Variants in DLG2 observed in about 807,000 individuals in gnomAD.
DLG2 encodes the protein discs large MAGUK scaffold protein 2, also known as disks large homolog 2.
In DLG2, 45 loss-of-function variants were observed where a neutral mutation model predicts 132.5. That is an observed-to-expected ratio of 0.34 (90% CI 0.27 to 0.44). DLG2 has a LOEUF of 0.44. Ranked by LOEUF, DLG2 falls within the 20% of genes least tolerant of loss-of-function variation. DLG2 has a pLI of 1.00. For synonymous variants in DLG2, 424 were observed against 419.6 expected (o/e 1.01, Z -0.13); for missense variants, 1,045 against 1,196.9 (o/e 0.87, Z 1.87).
chr11:84,453,324 T>G (rs1224160499), intron 7 of DLG2, among the ~76,000 whole-genome samples: 2 of 151,692 alleles, frequency 1.3e-5, no homozygotes, highest in East Asian at 3.9e-4. Context: ...CTTACTGAAC[T>G]GTAAATCCTA....
At chr11:84,071,451 G>A (rs2096755622) in intron 10 of DLG2, among the ~76,000 whole-genome samples, 1 of 151,962 alleles carries the variant, frequency 6.6e-6, no homozygotes, top group Non-Finnish European at 1.5e-5. Flanking sequence ...TGTGGCCCAG[G>A]TTGAAGTTCA....
At chr11:85,139,490 A>G (rs2076325934) in intron 5 of DLG2, among the ~76,000 whole-genome samples, 1 of 152,066 alleles carries the variant, frequency 6.6e-6, no homozygotes, top group Non-Finnish European at 1.5e-5. Context: ...TTCAAAATTA[A>G]TTTATTTTGA....
intron 18 of DLG2, among the ~76,000 whole-genome samples, chr11:83,686,552 A>G (rs1235690956): frequency 6.6e-6 from 1 of 152,162 alleles, no homozygotes; most frequent in Non-Finnish European, 1.5e-5. Context: ...AGGACTTGCC[A>G]CATAATATGT....
intron 6 of DLG2, chr11:84,923,686 A>ATCACC (rs2092869987): frequency 1.7e-6 from 1 of 603,674 alleles, no homozygotes; most frequent in African/African-American, 2.0e-5. Context: ...AATACTACAA[A>ATCACC]TCACCGCAAG....
chr11:84,532,591 G>C (rs753723672), intron 7 of DLG2, among the ~76,000 whole-genome samples: 7 of 152,022 alleles, frequency 4.6e-5, no homozygotes, highest in Admixed American at 3.9e-4. Flanking sequence ...AACTTCCTGG[G>C]CTCAAATGAT....
chr11:85,388,886 C>A (rs1359726291), intron 3 of DLG2, among the ~76,000 whole-genome samples: 1 of 152,090 alleles, frequency 6.6e-6, no homozygotes, highest in South Asian at 2.1e-4. Flanking sequence ...CTGACAAAGT[C>A]TACTCATAAG....
At chr11:85,450,042 G>A (rs888157704) in intron 3 of DLG2, among the ~76,000 whole-genome samples, 4 of 152,102 alleles carry the variant, frequency 2.6e-5, no homozygotes, top group East Asian at 1.9e-4. Context: ...AAGGAGAATC[G>A]CTTGAACCCA....
intron 18 of DLG2, among the ~76,000 whole-genome samples, chr11:83,748,484 T>C (rs1382236996): frequency 6.6e-6 from 1 of 152,202 alleles, no homozygotes; most frequent in Non-Finnish European, 1.5e-5. Flanking sequence ...TCCTGTTTAA[T>C]GGTCCCACTT....
intron 7 of DLG2, 116 bp from the exon 8 acceptor site, chr11:84,251,407 G>T (rs2097370111): frequency 1.4e-6 from 1 of 693,850 alleles, no homozygotes; most frequent in South Asian, 2.2e-5. Context: ...ACCTCTACAG[G>T]CACCGTGTCA....
intron 3 of DLG2, among the ~76,000 whole-genome samples, chr11:85,467,368 G>T (rs1415788030): frequency 6.6e-6 from 1 of 152,136 alleles, no homozygotes; most frequent in East Asian, 1.9e-4. Context: ...TGGTGAGAGA[G>T]GGCATCCCTG....
chr11:85,230,654 T>C (rs1027886144), intron 4 of DLG2, among the ~76,000 whole-genome samples: 1 of 151,900 alleles, frequency 6.6e-6, no homozygotes, highest in African/African-American at 2.4e-5. Flanking sequence ...TTATCTTTGG[T>C]TTGTCAGCAA....
chr11:85,617,000 G>T (rs184269325), intron 2 of DLG2, among the ~76,000 whole-genome samples: 64 of 152,220 alleles, frequency 4.2e-4, no homozygotes, highest in African/African-American at 1.5e-3. Flanking sequence ...TCCCATTCCA[G>T]GCAGAACCCC....
chr11:84,523,316 A>G (rs1347291997), intron 7 of DLG2, among the ~76,000 whole-genome samples: 1 of 152,178 alleles, frequency 6.6e-6, no homozygotes, highest in African/African-American at 2.4e-5. Flanking sequence ...TATTTCCAAG[A>G]GGTTAGAAGT....
Position 83,457,944 on chromosome 11 carries a change from G to A in DLG2, c.*1874C>T, listed in dbSNP as rs961873461. The A allele has an allele frequency of 2.0e-5, 3 of 152,616 alleles. No homozygotes were observed. Among genetic ancestry groups the A allele is most frequent in the African/African-American group, 4.8e-5 (2 of 41,444 alleles). The allele number at this position is 152,616 out of a possible 1,614,324, so 9.5% of individuals were successfully genotyped here. ...TTTCTGTTTTGTTTTGGTGACTGTA[G>A]CCAGGCAGACAATGATGTTTAGCGT... is the stretch of plus-strand genomic sequence containing the variant. On this transcript the variant is annotated 3_prime_UTR_variant, in exon 28 of 28. Transcript: ENST00000376104.
intron 3 of DLG2, among the ~76,000 whole-genome samples, chr11:85,398,918 T>C (rs2087719501): frequency 6.6e-6 from 1 of 151,548 alleles, no homozygotes; most frequent in Non-Finnish European, 1.5e-5. Context: ...TCCAACACTA[T>C]GTTCTGGCCA....
At chr11:84,546,574 T>C in intron 6 of DLG2, 1 of 424,276 alleles carries the variant, frequency 2.4e-6, no homozygotes, top group Admixed American at 2.9e-5. Flanking sequence ...AATCTCCTCT[T>C]GAGACAACTG....
chr11:84,093,605 CATTTTT>C (rs768742786), intron 10 of DLG2, among the ~76,000 whole-genome samples: 93 of 151,946 alleles, frequency 6.1e-4, no homozygotes, highest in Non-Finnish European at 9.0e-4. Context: ...TGGGGAGTGG[CATTTTT>C]ATTTTTATTT....
At chr11:85,277,849 C>A (rs2077986680) in intron 4 of DLG2, among the ~76,000 whole-genome samples, 1 of 152,144 alleles carries the variant, frequency 6.6e-6, no homozygotes, top group Non-Finnish European at 1.5e-5. Flanking sequence ...TCTGGTGTGA[C>A]AGCTACCTAA....
chr11:84,616,392 G>A (rs780116281), intron 6 of DLG2, among the ~76,000 whole-genome samples: 12 of 152,072 alleles, frequency 7.9e-5, no homozygotes, highest in Admixed American at 3.9e-4. Context: ...TAATTGAATA[G>A]GCAGGGGAAC....
Sources: allele counts gnomAD v4.1 joint callset (sites outside exome capture counted in the v4.1 genomes callset), GRCh38; gene constraint gnomAD v4.1.1; transcripts MANE v1.5; gene names NCBI Gene and HGNC (gene_info 2026-07-23, HGNC 2026-07-21).